Variants in FGF13 observed in about 807,000 individuals in gnomAD.
FGF13 encodes fibroblast growth factor homologous factor 2.
Under a neutral mutation model 19.5 loss-of-function variants are expected in FGF13, and 2 were observed. The ratio of observed to expected loss-of-function variants is 0.10; its 90% CI spans 0.04 to 0.32. FGF13 has a LOEUF of 0.32. FGF13 is among the 10% of genes least tolerant of loss of function. The pLI, the probability that FGF13 is intolerant of heterozygous loss-of-function variation, is 1.00. For missense variants in FGF13, 113 were observed against 192.7 expected, an observed-to-expected ratio of 0.59 and a Z score of 2.45; for synonymous variants, 72 against 76.9, an observed-to-expected ratio of 0.94 and a Z score of 0.33.
intron 3 of FGF13, among the ~76,000 whole-genome samples, chrX:138,652,436 C>T (rs1167862391): frequency 3.6e-5 from 4 of 111,920 alleles, no homozygotes; most frequent in Non-Finnish European, 7.5e-5. Flanking sequence ...TTATGTTTTG[C>T]TCATTGCTGT....
chrX:138,769,768 C>A (rs758504290), intron 3 of FGF13, among the ~76,000 whole-genome samples: 2 of 112,096 alleles, frequency 1.8e-5, no homozygotes, highest in South Asian at 7.5e-4. Context: ...CTTGCAAAGC[C>A]CCCTGGAATT....
At chrX:138,905,280 C>G (rs960742071) in intron 1 of FGF13, among the ~76,000 whole-genome samples, 2 of 111,540 alleles carry the variant, frequency 1.8e-5, no homozygotes, top group African/African-American at 6.5e-5. Flanking sequence ...TAGGTCTCCT[C>G]TAAAAGGAAT....
At chrX:138,857,173 C>T (rs2124139824), downstream of FGF13, among the ~76,000 whole-genome samples, 1 of 112,296 alleles carries the variant, frequency 8.9e-6, no homozygotes, top group East Asian at 2.8e-4. Flanking sequence ...CTGACTGCTG[C>T]TTCAGGAATG....
At chrX:139,176,933 G>A (rs185680882) in intron 1 of FGF13, among the ~76,000 whole-genome samples, 35 of 111,610 alleles carry the variant, frequency 3.1e-4, no homozygotes, top group Admixed American at 2.8e-3. Context: ...GGTCTGCTTC[G>A]TCCAGAGCTG....
intron 1 of FGF13, among the ~76,000 whole-genome samples, chrX:139,103,776 A>C (rs1440329364): frequency 2.7e-5 from 3 of 112,215 alleles, no homozygotes; most frequent in Non-Finnish European, 5.6e-5. Context: ...TGTAGGCCTG[A>C]GACTGAGAAT....
intron 3 of FGF13, among the ~76,000 whole-genome samples, chrX:138,804,887 CTT>C: frequency 8.9e-6 from 1 of 111,818 alleles, no homozygotes; most frequent in Middle Eastern, 4.7e-3. Flanking sequence ...TCTTTACAGT[CTT>C]ATAACTTCAT....
rs370162151 is a variant in FGF13 at position 139,017,339 on chromosome X, G to GTGTA, written c.-112-152690_-112-152689insTACA. On this transcript the variant is annotated intron_variant, in intron 1 of 2. Coordinates refer to the FGF13 transcript ENST00000421460. ...ATATATGTATTACATATACATGTAT[G>GTGTA]TATATATATATATACACACACACAC... Among the ~76,000 whole-genome samples the GTGTA allele has an allele frequency of 5.0e-5, 5 of 100,229 alleles. No individual in the cohort carries two copies. The East Asian group carries it at 1.3e-3, about 26-fold the overall frequency. 87.0% of individuals were successfully genotyped at this position (100,229 alleles called of 115,157 possible).
chrX:139,084,365 C>T (rs1034105231), intron 1 of FGF13, among the ~76,000 whole-genome samples: 1 of 111,774 alleles, frequency 8.9e-6, no homozygotes, highest in Non-Finnish European at 1.9e-5. Flanking sequence ...CTGGCAGTCA[C>T]TTGTTTGGGC....
chrX:138,895,123 AC>A lies in FGF13; in HGVS notation c.-112-30474del, dbSNP rs750564247. Among the ~76,000 whole-genome samples, 14 of 112,109 alleles carry A rather than the reference AC, an allele frequency of 1.2e-4. No individual in the cohort carries two copies. The East Asian group carries it at 3.9e-3, about 31-fold the overall frequency. ...CCTGATACTTTTCTTGGGCTCCCTT[AC>A]TTGACAACCTATTTTTTCCAGCTTT... On this transcript the variant is annotated intron_variant, in intron 1 of 2. Coordinates refer to the FGF13 transcript ENST00000421460.
rs192900382 is a variant in FGF13, at chrX:138,872,962, G to A, written c.-112-8312C>T. Among the ~76,000 whole-genome samples, 269 of 111,739 alleles carry A rather than the reference G, an allele frequency of 2.4e-3. 6 individuals are homozygous for A. In the Admixed American group the frequency reaches 0.025, roughly 10 times the overall value. On this transcript the variant is annotated intron_variant, in intron 1 of 2. Transcript: ENST00000421460. Reference sequence around the variant, plus strand: ...GGATTTTCTGTGGCCAAGTGATTACGTCTATCCAATTGCTTTTTATACACT... The same window carrying A: ...GGATTTTCTGTGGCCAAGTGATTACATCTATCCAATTGCTTTTTATACACT...
chrX:138,892,960 G>A (rs1331396876), intron 1 of FGF13, among the ~76,000 whole-genome samples: 2 of 107,547 alleles, frequency 1.9e-5, no homozygotes, highest in African/African-American at 6.8e-5. Context: ...GGAAGCAAAG[G>A]GGGGTGGGCA....
intron 3 of FGF13, among the ~76,000 whole-genome samples, chrX:138,762,454 T>C (rs1025237929): frequency 8.9e-6 from 1 of 112,591 alleles, no homozygotes; most frequent in Non-Finnish European, 1.9e-5. Flanking sequence ...GAAGACTGTT[T>C]AGACAAAGAA....
At chrX:138,635,317 C>A (rs982347406) in intron 4 of FGF13, 140 bp downstream of exon 4, 12 of 540,865 alleles carry the variant, frequency 2.2e-5, no homozygotes, top group African/African-American at 9.5e-5. Flanking sequence ...GTGATGAGTG[C>A]ACCAAAATTT....
At chrX:139,130,686 A>C (rs2083753805) in intron 1 of FGF13, among the ~76,000 whole-genome samples, 1 of 111,809 alleles carries the variant, frequency 8.9e-6, no homozygotes, top group African/African-American at 3.2e-5. Flanking sequence ...CTGTTAAAAA[A>C]TGGTAGAGCC....
At chrX:138,927,154 G>A (rs960452748) in intron 1 of FGF13, among the ~76,000 whole-genome samples, 2 of 111,532 alleles carry the variant, frequency 1.8e-5, no homozygotes, top group Non-Finnish European at 3.8e-5. Context: ...TAGCTCCATC[G>A]TCACTACAGA....
chrX:139,007,763 C>A (rs1176516875), intron 1 of FGF13, among the ~76,000 whole-genome samples: 1 of 112,297 alleles, frequency 8.9e-6, no homozygotes, highest in Non-Finnish European at 1.9e-5. Flanking sequence ...GCTCCAAGAA[C>A]AACTGCAGGA....
chrX:138,837,260 A>G (rs1250161439), intron 3 of FGF13, among the ~76,000 whole-genome samples: 1 of 111,882 alleles, frequency 8.9e-6, no homozygotes, highest in East Asian at 2.8e-4. Flanking sequence ...TGAAGCCTGA[A>G]GACTGGAATG....
At chrX:138,850,204 T>C (rs1306233715) in intron 3 of FGF13, among the ~76,000 whole-genome samples, 1 of 111,751 alleles carries the variant, frequency 8.9e-6, no homozygotes, top group Admixed American at 9.5e-5. Context: ...GATGCATATA[T>C]TCAATAAGAG....
chrX:138,806,869 T>G (rs2090872298), intron 3 of FGF13: 1 of 111,552 alleles, frequency 9.0e-6, no homozygotes, highest in Non-Finnish European at 1.9e-5. Context: ...AGGAGAAACT[T>G]CAAGCCATGG....
Sources: allele counts gnomAD v4.1 joint callset (sites outside exome capture counted in the v4.1 genomes callset), GRCh38; gene constraint gnomAD v4.1.1; transcripts MANE v1.5; gene names NCBI Gene and HGNC (gene_info 2026-07-23, HGNC 2026-07-21).